Variants in PPP2R3A observed in about 807,000 individuals in gnomAD.
PPP2R3A encodes the protein serine/threonine-protein phosphatase 2A regulatory subunit B'' subunit alpha.
Under a neutral mutation model 106.9 loss-of-function variants are expected in PPP2R3A, and 80 were observed. The ratio of observed to expected loss-of-function variants is 0.75; its 90% CI spans 0.62 to 0.90. PPP2R3A has a LOEUF of 0.90. PPP2R3A is among the 40% of genes least tolerant of loss of function. The pLI is 0.00. For synonymous variants in PPP2R3A, 483 were observed against 468.3 expected (o/e 1.03, Z -0.41); for missense variants, 1,386 against 1,350.4 (o/e 1.03, Z -0.41).
intron 10 of PPP2R3A, among the ~76,000 whole-genome samples, chr3:136,097,702 C>G (rs1210557579): frequency 6.6e-6 from 1 of 152,054 alleles, no homozygotes; most frequent in Non-Finnish European, 1.5e-5. Context: ...TACTTTATTC[C>G]CTTTTGCCTG....
intron 2 of PPP2R3A, 134 bp downstream of exon 2, chr3:136,003,627 A>C: frequency 6.0e-5 from 43 of 716,846 alleles, no homozygotes; most frequent in Non-Finnish European, 8.3e-5. Context: ...GAATGATCTC[A>C]CTCAGCTCAG....
At chr3:136,086,523 G>A (rs556817397) in intron 8 of PPP2R3A, among the ~76,000 whole-genome samples, 1 of 152,240 alleles carries the variant, frequency 6.6e-6, no homozygotes, top group Non-Finnish European at 1.5e-5. Flanking sequence ...TGTCCCTAAT[G>A]AGACAACATA....
At chr3:136,111,387 A>G (rs1937589569) in intron 13 of PPP2R3A, among the ~76,000 whole-genome samples, 2 of 152,164 alleles carry the variant, frequency 1.3e-5, no homozygotes, top group African/African-American at 2.4e-5. Context: ...AAACTTTCAT[A>G]TCAGTTTCAG....
chr3:135,996,770 T>A (rs1933415911), intron 1 of PPP2R3A, among the ~76,000 whole-genome samples: 2 of 152,200 alleles, frequency 1.3e-5, no homozygotes, highest in Admixed American at 6.5e-5. Flanking sequence ...CTGTTCCTAA[T>A]CAGATACCTC....
chr3:136,099,233 C>T (rs1218247206), intron 10 of PPP2R3A, among the ~76,000 whole-genome samples: 8 of 152,090 alleles, frequency 5.3e-5, no homozygotes, highest in Admixed American at 3.3e-4. Flanking sequence ...CCAGAGTCAA[C>T]AAACCCACAG....
chr3:136,140,732 G>C (rs898408494), intron 13 of PPP2R3A, among the ~76,000 whole-genome samples: 2 of 142,774 alleles, frequency 1.4e-5, no homozygotes, highest in East Asian at 4.2e-4. Flanking sequence ...TGGGCAACAA[G>C]AACAAAACTC....
At chr3:136,144,121 A>G (rs531727728) in intron 13 of PPP2R3A, among the ~76,000 whole-genome samples, 59 of 152,344 alleles carry the variant, frequency 3.9e-4, no homozygotes, top group African/African-American at 1.4e-3. Context: ...CTCTGCCTAA[A>G]GCCAACCTTA....
At chr3:136,051,455 A>T (rs1935684500) in intron 5 of PPP2R3A, among the ~76,000 whole-genome samples, 2 of 151,976 alleles carry the variant, frequency 1.3e-5, no homozygotes, top group East Asian at 1.9e-4. Flanking sequence ...TCAGCCTCCC[A>T]AGTAGCAGGG....
chr3:136,023,108 T>G (rs1934521308), intron 2 of PPP2R3A: 1 of 1,613,358 alleles, frequency 6.2e-7, no homozygotes, highest in Admixed American at 1.7e-5. Context: ...GGGACCCGGA[T>G]TTAAGGGGAG....
chr3:136,118,874 A>C (rs1420048752), intron 13 of PPP2R3A, among the ~76,000 whole-genome samples: 1 of 152,182 alleles, frequency 6.6e-6, no homozygotes, highest in Non-Finnish European at 1.5e-5. Flanking sequence ...AAACTACTTT[A>C]AACTTCATAT....
rs1427269387 is a variant in PPP2R3A, at chr3:135,965,813, G to A, written c.-477G>A. 1.3e-5 allele frequency: 2 copies of A among 152,266 alleles called. No homozygotes were observed. The highest frequency in any genetic ancestry group is 4.8e-5 in the African/African-American group (2 of 41,444). The allele number at this position is 152,266 out of a possible 1,614,324, so 9.4% of individuals were successfully genotyped here. A position where few individuals can be genotyped will look rare whatever the true frequency, so the allele number is the denominator to read the frequency against. On this transcript the variant is annotated 5_prime_UTR_variant, in exon 1 of 14. Transcript: ENST00000264977. ...AGGCTTGGAGGCAAGCGCTGCCCGCGAGCTGAGCCGCCGGAGGAGGAGCCG... is the reference window on the plus strand; with the variant it reads ...AGGCTTGGAGGCAAGCGCTGCCCGCAAGCTGAGCCGCCGGAGGAGGAGCCG...
intron 13 of PPP2R3A, among the ~76,000 whole-genome samples, chr3:136,140,623 C>T (rs989333655): frequency 6.6e-6 from 1 of 151,826 alleles, no homozygotes; most frequent in African/African-American, 2.4e-5. Flanking sequence ...TGGCACATGC[C>T]TGTAATCGCA....
At chr3:136,136,079 T>TATATATATAA (rs1938613136) in intron 13 of PPP2R3A, among the ~76,000 whole-genome samples, 1 of 46,432 alleles carries the variant, frequency 2.2e-5, no homozygotes, top group Non-Finnish European at 6.0e-5. Context: ...AAAAATTATA[T>TATATATATAA]ATATATATAT....
At chr3:135,997,242 G>A (rs936839400) in intron 1 of PPP2R3A, among the ~76,000 whole-genome samples, 7 of 152,146 alleles carry the variant, frequency 4.6e-5, no homozygotes, top group African/African-American at 1.4e-4. Flanking sequence ...CACGTGATAA[G>A]GATACCAGCA....
At chr3:136,017,183 C>G (rs1934307177) in intron 2 of PPP2R3A, among the ~76,000 whole-genome samples, 1 of 152,158 alleles carries the variant, frequency 6.6e-6, no homozygotes, top group South Asian at 2.1e-4. Context: ...GCTGAGAAAT[C>G]TGCTGTTAAT....
rs143557259 is a variant in PPP2R3A at position 136,115,122 on chromosome 3, A to G, written c.3329+8800A>G. Reference sequence around the variant, plus strand: ...AGCCTCCGCTGATGATACCCAAGCAAAGAGTCTAGAGTGGACCTCCAGCAA... The same window carrying G: ...AGCCTCCGCTGATGATACCCAAGCAGAGAGTCTAGAGTGGACCTCCAGCAA... On this transcript the variant is annotated intron_variant, in intron 13 of 13. Transcript: ENST00000264977. Among the ~76,000 whole-genome samples, 464 of 152,312 alleles carry G rather than the reference A, an allele frequency of 3.0e-3. 6 individuals are homozygous for G. The highest frequency in any genetic ancestry group is 0.011 in the African/African-American group (447 of 41,578).
At chr3:136,082,864 T>C (rs1936821383) in intron 8 of PPP2R3A, among the ~76,000 whole-genome samples, 1 of 152,260 alleles carries the variant, frequency 6.6e-6, no homozygotes, top group South Asian at 2.1e-4. Context: ...AAATTTACTT[T>C]TGGAAATTTT....
intron 5 of PPP2R3A, among the ~76,000 whole-genome samples, chr3:136,053,045 C>T (rs976196044): frequency 2.6e-5 from 4 of 152,114 alleles, no homozygotes; most frequent in Admixed American, 2.6e-4. Context: ...AACCAAATAC[C>T]ACATGTTCTC....
chr3:136,145,137 G>C lies in PPP2R3A; in HGVS notation c.3424G>C (p.Gly1142Arg). ...AAGTGCAAGCCTTCCAGAGAAATGT[G>C]GAAAGCTTCAATCAGTGGATGAAGA... ...ILSASLPEKC[G>R]KLQSVDEE Residue 1142 changes from glycine to arginine, a missense_variant, in exon 14 of 14, where the codon GGA (glycine) becomes CGA (arginine). By Grantham distance (125) the Gly-to-Arg change is moderately radical (BLOSUM62 -2). Coordinates refer to ENST00000264977, the MANE Select transcript of PPP2R3A (RefSeq NM_002718.5). 1 of 1,613,162 alleles carries C rather than the reference G, an allele frequency of 6.2e-7. No homozygotes were observed. The highest frequency in any genetic ancestry group is 8.5e-7 in the Non-Finnish European group (1 of 1,179,622).
Sources: allele counts gnomAD v4.1 joint callset (sites outside exome capture counted in the v4.1 genomes callset), GRCh38; gene constraint gnomAD v4.1.1; transcripts MANE v1.5; gene names NCBI Gene and HGNC (gene_info 2026-07-23, HGNC 2026-07-21).